The following ASCC3 variants were observed in gnomAD, a reference collection of about 807,000 sequenced individuals.
ASCC3 encodes ASC-1 complex subunit P200.
A neutral mutation model predicts 256.3 loss-of-function variants in ASCC3; 158 were observed. The ratio of observed to expected loss-of-function variants is 0.62; its 90% CI spans 0.54 to 0.70. ASCC3 has a LOEUF of 0.70. ASCC3 is among the 30% of genes least tolerant of loss of function. The probability of loss-of-function intolerance (pLI) is 0.00; values close to 1 mark genes in which losing one functional copy is unlikely to be tolerated. For missense variants in ASCC3, 2,259 were observed against 2,626.0 expected, an observed-to-expected ratio of 0.86 and a Z score of 3.05; for synonymous variants, 948 against 883.4, an observed-to-expected ratio of 1.07 and a Z score of -1.30.
intron 13 of ASCC3, among the ~76,000 whole-genome samples, chr6:100,712,160 A>G (rs1293685905): frequency 6.6e-6 from 1 of 152,226 alleles, no homozygotes; most frequent in Non-Finnish European, 1.5e-5. Context: ...CAAAATTATA[A>G]GTCTTAGAAG....
Position 100,799,485 on chromosome 6 carries a change from C to T in ASCC3, c.1215G>A (p.Val405=), listed in dbSNP as rs377390628. 87 of 1,613,038 alleles carry T rather than the reference C, an allele frequency of 5.4e-5. No individual in the cohort carries two copies. Among genetic ancestry groups the T allele is most frequent in the Non-Finnish European group, 7.4e-5 (87 of 1,179,506 alleles). ...TCATGGCTTCAGCCTGGGAATCATA[C>T]ACATGGGGATAATGTATTTTTTCAA... The part of the protein sequence containing the change: ...ADVEKIHYPH[V]YDSQAEAMKT... The change falls in exon 7 of 42, where the codon GTG becomes GTA. Residue 405 remains valine (V), a synonymous_variant. Coordinates refer to ENST00000369162, the MANE Select transcript of ASCC3 (RefSeq NM_006828.4).
intron 30 of ASCC3, among the ~76,000 whole-genome samples, chr6:100,612,592 C>A (rs1349062819): frequency 6.6e-6 from 1 of 152,112 alleles, no homozygotes; most frequent in African/African-American, 2.4e-5. Context: ...ATAATTAAAT[C>A]TATCATATCT....
chr6:100,715,233 T>C (rs9390626), intron 13 of ASCC3: 152,241 of 395,630 alleles, frequency 0.38, 32,408 homozygotes, highest in Non-Finnish European at 0.45. Flanking sequence ...AAATTAAAAA[T>C]GGCAAACAAA....
At chr6:100,749,780 C>T (rs1318118165) in intron 10 of ASCC3, among the ~76,000 whole-genome samples, 3 of 151,438 alleles carry the variant, frequency 2.0e-5, no homozygotes, top group Non-Finnish European at 4.4e-5. Context: ...CTTTAGAAAA[C>T]TATTTATGAG....
intron 1 of ASCC3, among the ~76,000 whole-genome samples, chr6:100,871,686 A>G (rs1013003011): frequency 3.9e-5 from 6 of 152,136 alleles, no homozygotes; most frequent in Non-Finnish European, 7.3e-5. Flanking sequence ...GAATTGCTTG[A>G]GCCCGGAAGG....
intron 8 of ASCC3, among the ~76,000 whole-genome samples, chr6:100,797,084 T>C (rs748246661): frequency 1.3e-5 from 2 of 152,146 alleles, no homozygotes; most frequent in Non-Finnish European, 2.9e-5. Context: ...GAAATAAGTA[T>C]GATAGAAAAG....
intron 7 of ASCC3, 127 bp downstream of exon 7, chr6:100,799,304 C>T (rs1769793240): frequency 1.9e-6 from 2 of 1,049,036 alleles, no homozygotes; most frequent in East Asian, 2.6e-5. Flanking sequence ...TCATTTTCCC[C>T]AATACTTTAA....
At chr6:100,565,209 T>A (rs1415620326) in intron 36 of ASCC3, among the ~76,000 whole-genome samples, 1 of 152,170 alleles carries the variant, frequency 6.6e-6, no homozygotes, top group African/African-American at 2.4e-5. Flanking sequence ...CAATTTGATT[T>A]GCCTGATTTT....
intron 5 of ASCC3, among the ~76,000 whole-genome samples, chr6:100,802,758 G>C (rs956250383): frequency 4.6e-5 from 7 of 151,996 alleles, no homozygotes; most frequent in Non-Finnish European, 1.0e-4. Context: ...TAAACACTTT[G>C]GGGGGCTGAG....
chr6:100,629,299 C>A, intron 26 of ASCC3, 118 bp from the exon 27 acceptor site: 1 of 935,126 alleles, frequency 1.1e-6, no homozygotes, highest in Non-Finnish European at 1.6e-6. Flanking sequence ...ACTTTATCTA[C>A]CTTTGATTTT....
chr6:100,632,355 T>C (rs778142180), intron 25 of ASCC3, among the ~76,000 whole-genome samples: 6 of 151,948 alleles, frequency 3.9e-5, no homozygotes, highest in Non-Finnish European at 5.9e-5. Flanking sequence ...CCCATGATCA[T>C]GGACTGGAAT....
chr6:100,589,740 T>C lies in ASCC3; in HGVS notation c.5444A>G (p.Tyr1815Cys). The C allele has an allele frequency of 6.2e-7, 1 of 1,613,730 alleles. No individual in the cohort carries two copies. The highest frequency in any genetic ancestry group is 1.7e-4 in the Middle Eastern group (1 of 6,048). Residue 1815 changes from tyrosine to cysteine, a missense_variant, in exon 36 of 42, where the codon TAT becomes TGT. By Grantham distance (194) the Tyr-to-Cys change is radical. This residue lies in a region of ASCC3 where 1,839 missense variants were observed against 2,206.7 expected (regional missense o/e 0.83). Coordinates refer to ENST00000369162, the MANE Select transcript of ASCC3 (RefSeq NM_006828.4). ...EDNRSIEPLTYGRIASYYYLK... is the reference protein window; with the variant it reads ...EDNRSIEPLTCGRIASYYYLK... Reference sequence around the variant, plus strand: ...ATAGTAATAGGAGGCAATTCGGCCATAAGTTAGAGGTTCAATGCTGCGATT... The same window carrying C: ...ATAGTAATAGGAGGCAATTCGGCCACAAGTTAGAGGTTCAATGCTGCGATT...
chr6:100,848,169 A>G lies in ASCC3; in HGVS notation c.780T>C (p.Ser260=), dbSNP rs913055292. The change falls in exon 4 of 42, where the codon AGT becomes AGC. Residue 260 remains serine, a synonymous_variant. Transcript: ENST00000369162. ...TLYDMLASIK[S]GDELQDELFE... ...ATACCTCATCCTGAAGTTCATCACC[A>G]CTTTTAATAGAAGCAAGCATATCAT... 6.3e-7 allele frequency: 1 copy of G among 1,595,878 alleles called. No individual in the cohort carries two copies. Among genetic ancestry groups the G allele is most frequent in the East Asian group, 2.2e-5 (1 of 44,708 alleles).
chr6:100,672,222 G>A lies in ASCC3; in HGVS notation c.2286+7396C>T, dbSNP rs183342634. On this transcript the variant is annotated intron_variant, in intron 14 of 41. Transcript: ENST00000369162. ...ATTAAAATCAATTATTTAATTAGTTGTTTAATCTTTCTGTCCTTCCAGAAT... is the reference window on the plus strand; with the variant it reads ...ATTAAAATCAATTATTTAATTAGTTATTTAATCTTTCTGTCCTTCCAGAAT... Among the ~76,000 whole-genome samples, 3 of 152,050 alleles carry A rather than the reference G, an allele frequency of 2.0e-5. No individual in the cohort carries two copies. The East Asian group carries it at 5.8e-4, about 29-fold the overall frequency.
chr6:100,640,780 T>G (rs925026491), intron 24 of ASCC3, among the ~76,000 whole-genome samples: 53 of 152,150 alleles, frequency 3.5e-4, no homozygotes, highest in Non-Finnish European at 1.2e-4. Context: ...AAAGTGGAAT[T>G]AAGCCAAAGT....
intron 36 of ASCC3, among the ~76,000 whole-genome samples, chr6:100,577,346 G>A (rs529253983): frequency 6.6e-6 from 1 of 152,044 alleles, no homozygotes; most frequent in East Asian, 1.9e-4. Context: ...AAGATCCAAA[G>A]AGGGCCTCTA....
At chr6:100,661,773 T>C (rs1249846339) in intron 16 of ASCC3, 33 bp downstream of exon 16, 1 of 1,596,926 alleles carries the variant, frequency 6.3e-7, no homozygotes, top group Admixed American at 1.7e-5. Flanking sequence ...AGGCTGATGA[T>C]TCTATTCCAA....
intron 13 of ASCC3, among the ~76,000 whole-genome samples, chr6:100,694,551 A>G (rs1267987016): frequency 6.6e-6 from 1 of 152,168 alleles, no homozygotes; most frequent in Non-Finnish European, 1.5e-5. Flanking sequence ...TCCCTACTAA[A>G]GAGACTAGGT....
intron 13 of ASCC3, among the ~76,000 whole-genome samples, chr6:100,712,527 T>C (rs1778899899): frequency 6.6e-6 from 1 of 152,124 alleles, no homozygotes; most frequent in Admixed American, 6.6e-5. Flanking sequence ...TAATATCACT[T>C]GTCATTAGAA....
Sources: allele counts gnomAD v4.1 joint callset (sites outside exome capture counted in the v4.1 genomes callset), GRCh38; gene constraint gnomAD v4.1.1; regional missense constraint gnomAD v4.1.1; transcripts MANE v1.5; gene names NCBI Gene and HGNC (gene_info 2026-07-23, HGNC 2026-07-21).